Variants in TRPC3 observed in about 807,000 individuals in gnomAD.
TRPC3 encodes the protein short transient receptor potential channel 3.
Under a neutral mutation model 90.9 loss-of-function variants are expected in TRPC3, and 54 were observed. The observed-to-expected ratio is 0.59, with a 90% CI of 0.48 to 0.75. The LOEUF (loss-of-function observed/expected upper bound fraction) is 0.75. Among genes scored for constraint, TRPC3 ranks in the 30% least tolerant of loss-of-function variants. TRPC3 has a pLI of 0.00. For missense variants in TRPC3, 918 were observed against 1,194.5 expected (o/e 0.77, Z 3.41); for synonymous variants, 424 against 450.9 (o/e 0.94, Z 0.75).
rs931901423 is a variant in TRPC3, at chr4:121,951,213, G to A, written c.215+253C>T. 1.3e-5 allele frequency among the ~76,000 whole-genome samples: 2 copies of A among 152,182 alleles called. No homozygotes were observed. The highest frequency in any genetic ancestry group is 2.9e-5 in the Non-Finnish European group (2 of 68,020). ...AGTGTGCCCGCCTGCGGGCTGTTCCGTGTGCTTGAGCCTGGACAGAGCCCC... is the reference window on the plus strand; with the variant it reads ...AGTGTGCCCGCCTGCGGGCTGTTCCATGTGCTTGAGCCTGGACAGAGCCCC... On this transcript the variant is annotated intron_variant, in intron 1 of 11. Coordinates refer to ENST00000379645, the MANE Select transcript of TRPC3 (RefSeq NM_001130698.2). This position sits in a 1 kb window ranked among gnomAD's most constrained non-coding sequence, Gnocchi z 4.4.
At chr4:121,882,213 G>A (rs888251967) in intron 11 of TRPC3, 141 bp downstream of exon 11, 11 of 634,256 alleles carry the variant, frequency 1.7e-5, no homozygotes, top group Admixed American at 3.5e-5. Context: ...TTTTAGAAAC[G>A]TAACATAAGA....
At chr4:121,925,902 C>G (rs1236353473) in intron 2 of TRPC3, among the ~76,000 whole-genome samples, 1 of 152,176 alleles carries the variant, frequency 6.6e-6, no homozygotes, top group Non-Finnish European at 1.5e-5. Flanking sequence ...AGTTTTCTCT[C>G]TTTTGTACAA....
chr4:121,948,292 T>C (rs111483266), intron 1 of TRPC3, among the ~76,000 whole-genome samples: 1,693 of 152,144 alleles, frequency 0.011, 20 homozygotes, highest in Middle Eastern at 0.024. Context: ...AATCACTAAA[T>C]TGTCTCTGAT....
intron 8 of TRPC3, 25 bp from the exon 9 acceptor site, chr4:121,903,086 A>G: frequency 1.3e-6 from 2 of 1,570,262 alleles, no homozygotes. Context: ...TAGAAAAAAA[A>G]ACTAATTTTA....
rs562778508 is a variant in TRPC3 at position 121,906,189 on chromosome 4, T to A, written c.2057+1114A>T. Among the ~76,000 whole-genome samples the A allele has an allele frequency of 6.0e-4, 92 of 152,236 alleles. 2 individuals are homozygous for A. The South Asian group carries it at 0.018, about 30-fold the overall frequency. ...ATTTTAAAAATAAGGAAACTGACAC[T>A]GAGAAATGTTCAGGAACTTAACCAA... On this transcript the variant is annotated intron_variant, in intron 7 of 11. Transcript: ENST00000379645.
At chr4:121,907,621 T>G in intron 6 of TRPC3, 54 bp from the exon 7 acceptor site, 2 of 1,547,284 alleles carry the variant, frequency 1.3e-6, no homozygotes, top group South Asian at 1.3e-5. Flanking sequence ...CATTGCCAAC[T>G]ACGCAAAGCA....
chr4:121,943,076 C>T (rs1730372028), intron 1 of TRPC3, among the ~76,000 whole-genome samples: 1 of 152,184 alleles, frequency 6.6e-6, no homozygotes, highest in Non-Finnish European at 1.5e-5. Flanking sequence ...CTTTTCATCT[C>T]CATATGCTTG....
intron 1 of TRPC3, chr4:121,950,766 A>T (rs765741422): frequency 2.6e-5 from 4 of 152,276 alleles, no homozygotes; most frequent in Non-Finnish European, 5.9e-5. Flanking sequence ...AGTCAAAGTT[A>T]TCACTAAAGC....
At position 121,932,206 on chromosome 4, in the gene TRPC3, G is replaced by C. The variant is rs142175459; in HGVS notation, c.987+65C>G. ...ATGTGGAGCGAACGGTGGCAGAGCA[G>C]GCCAGGCAGCAGCGGGGAAGTTGGG... On this transcript the variant is annotated intron_variant, in intron 2 of 11. Coordinates refer to ENST00000379645, the MANE Select transcript of TRPC3 (RefSeq NM_001130698.2). This position sits in a 1 kb window ranked among gnomAD's most constrained non-coding sequence, Gnocchi z 7.7. 91 of 1,576,176 alleles carry C rather than the reference G, an allele frequency of 5.8e-5. No individual in the cohort carries two copies. The East Asian group carries it at 2.0e-3, about 35-fold the overall frequency.
At chr4:121,880,688 C>G (rs547099588) in intron 11 of TRPC3, among the ~76,000 whole-genome samples, 1 of 151,968 alleles carries the variant, frequency 6.6e-6, no homozygotes, top group South Asian at 2.1e-4. Context: ...TGCAAGTGAC[C>G]GTAATGTAGA....
intron 10 of TRPC3, among the ~76,000 whole-genome samples, chr4:121,893,106 G>T (rs1199803033): frequency 2.1e-5 from 3 of 144,742 alleles, no homozygotes; most frequent in Non-Finnish European, 4.5e-5. Context: ...GGGCAAGAGA[G>T]GCAGACTCTG....
At chr4:121,923,744 G>T (rs1414927211) in intron 3 of TRPC3, among the ~76,000 whole-genome samples, 1 of 152,174 alleles carries the variant, frequency 6.6e-6, no homozygotes, top group Non-Finnish European at 1.5e-5. Flanking sequence ...GTGATGTCAG[G>T]ACATGAATCC....
chr4:121,911,725 A>T (rs139851564), intron 5 of TRPC3, 152 bp downstream of exon 5: 1 of 828,954 alleles, frequency 1.2e-6, no homozygotes, highest in East Asian at 2.7e-5. Flanking sequence ...CTAGCTAGAA[A>T]ATTATTTGGT....
At chr4:121,931,442 TAGG>T (rs1729920310) in intron 2 of TRPC3, among the ~76,000 whole-genome samples, 1 of 152,006 alleles carries the variant, frequency 6.6e-6, no homozygotes, top group Non-Finnish European at 1.5e-5. Flanking sequence ...TCAAAACGCA[TAGG>T]AGGAGGTAGC....
intron 6 of TRPC3, among the ~76,000 whole-genome samples, chr4:121,908,383 A>G (rs1728961175): frequency 6.6e-6 from 1 of 152,184 alleles, no homozygotes; most frequent in Non-Finnish European, 1.5e-5. Flanking sequence ...GTGGGTATAT[A>G]TCCAAATGAA....
chr4:121,936,032 T>C (rs1262746237), intron 1 of TRPC3, among the ~76,000 whole-genome samples: 1 of 152,228 alleles, frequency 6.6e-6, no homozygotes, highest in Non-Finnish European at 1.5e-5. Context: ...TTTTATTTTG[T>C]CTTTAAAAAC....
intron 7 of TRPC3, among the ~76,000 whole-genome samples, chr4:121,905,533 C>T (rs913213472): frequency 6.6e-6 from 1 of 152,084 alleles, no homozygotes. Context: ...GTGGTTTTGT[C>T]ACAGAACCAA....
chr4:121,903,915 T>C (rs1728792723), intron 8 of TRPC3, among the ~76,000 whole-genome samples: 1 of 152,100 alleles, frequency 6.6e-6, no homozygotes, highest in South Asian at 2.1e-4. Flanking sequence ...AAGAATCAAG[T>C]GATTTCTAGA....
At chr4:121,934,550 G>A (rs1379097351) in intron 1 of TRPC3, among the ~76,000 whole-genome samples, 3 of 152,108 alleles carry the variant, frequency 2.0e-5, no homozygotes, top group Non-Finnish European at 2.9e-5. Context: ...AAAAGTGAAC[G>A]GCTAGAAAAG....
Sources: gnomAD v4.1 joint callset for allele counts (sites outside exome capture counted in the v4.1 genomes callset) on GRCh38, gnomAD v4.1.1 for gene constraint, Gnocchi (gnomAD v3.1) non-coding constraint, MANE v1.5 for transcripts, NCBI Gene and HGNC (gene_info 2026-07-23, HGNC 2026-07-21) for gene names.